The following PIWIL3 variants were observed in gnomAD, a reference collection of about 807,000 sequenced individuals.
PIWIL3 encodes the protein piwi like RNA-mediated gene silencing 3.
Under a neutral mutation model 109.7 loss-of-function variants are expected in PIWIL3, and 101 were observed. That is an observed-to-expected ratio of 0.92 (90% CI 0.78 to 1.09). PIWIL3 has a LOEUF of 1.09. Ranked by LOEUF, PIWIL3 falls within the 50% of genes least tolerant of loss-of-function variation. The pLI, the probability that PIWIL3 is intolerant of heterozygous loss-of-function variation, is 0.00. For missense variants in PIWIL3, 1,031 were observed against 1,072.6 expected (o/e 0.96, Z 0.54); for synonymous variants, 373 against 376.4 (o/e 0.99, Z 0.10).
rs769418851 is a variant in PIWIL3, at chr22:24,754,003, G to A, written c.977+11C>T. 6.3e-7 allele frequency: 1 copy of A among 1,583,922 alleles called. No individual in the cohort carries two copies. Among genetic ancestry groups the A allele is most frequent in the Non-Finnish European group, 8.7e-7 (1 of 1,152,856 alleles). ...AAAGTGATTGGATAGGTTTTTAAAAGACAGACTTACTTTGTCAGAACAATT... is the reference window on the plus strand; with the variant it reads ...AAAGTGATTGGATAGGTTTTTAAAAAACAGACTTACTTTGTCAGAACAATT... On this transcript the variant is annotated intron_variant, in intron 8 of 20. Transcript: ENST00000616349.
intron 1 of PIWIL3, 53 bp from the exon 2 acceptor site, chr22:24,762,574 T>C (rs992909670): frequency 2.8e-6 from 4 of 1,421,916 alleles, no homozygotes; most frequent in Non-Finnish European, 3.8e-6. Context: ...GGTGTCTTAC[T>C]CTCTTTAGGG....
intron 12 of PIWIL3, among the ~76,000 whole-genome samples, chr22:24,741,826 C>A (rs893187272): frequency 2.0e-5 from 3 of 150,564 alleles, no homozygotes; most frequent in African/African-American, 4.9e-5. Context: ...CATTCCCCCC[C>A]AAGAACTGCA....
At chr22:24,720,774 T>C (rs924280253) in intron 19 of PIWIL3, among the ~76,000 whole-genome samples, 3 of 152,212 alleles carry the variant, frequency 2.0e-5, no homozygotes, top group African/African-American at 7.2e-5. Context: ...CCTCAACTCT[T>C]GGTATGAATA....
At chr22:24,738,426 A>G (rs1332486886) in intron 12 of PIWIL3, among the ~76,000 whole-genome samples, 1 of 152,268 alleles carries the variant, frequency 6.6e-6, no homozygotes, top group Non-Finnish European at 1.5e-5. Context: ...GGTGGTGGTC[A>G]CAGTGGGCCT....
intron 14 of PIWIL3, among the ~76,000 whole-genome samples, chr22:24,729,299 C>G (rs1443391933): frequency 6.6e-6 from 1 of 152,134 alleles, no homozygotes; most frequent in African/African-American, 2.4e-5. Flanking sequence ...GGTGTCCACA[C>G]TCCTAAATTT....
At chr22:24,773,796 C>T (rs1926270135) in intron 1 of PIWIL3, among the ~76,000 whole-genome samples, 1 of 148,188 alleles carries the variant, frequency 6.7e-6, no homozygotes, top group South Asian at 2.1e-4. Flanking sequence ...CTCACTGCAA[C>T]CTCCGCCTCC....
At chr22:24,721,270 G>C (rs1377015912) in intron 19 of PIWIL3, among the ~76,000 whole-genome samples, 1 of 152,134 alleles carries the variant, frequency 6.6e-6, no homozygotes, top group African/African-American at 2.4e-5. Flanking sequence ...TACTCTTGCT[G>C]AATGTGATTT....
chr22:24,768,608 G>A (rs143129370), intron 1 of PIWIL3, among the ~76,000 whole-genome samples: 378 of 152,262 alleles, frequency 2.5e-3, no homozygotes, highest in African/African-American at 8.9e-3. Context: ...AGGAAGGTCT[G>A]TGGCTGACAG....
chr22:24,737,861 T>C (rs565502946), intron 12 of PIWIL3, among the ~76,000 whole-genome samples: 1 of 152,120 alleles, frequency 6.6e-6, no homozygotes, highest in Admixed American at 6.5e-5. Context: ...GGCTCCTCTA[T>C]GTGTAGAAAG....
At chr22:24,769,503 T>C (rs1410218272) in intron 1 of PIWIL3, among the ~76,000 whole-genome samples, 1 of 152,058 alleles carries the variant, frequency 6.6e-6, no homozygotes, top group Non-Finnish European at 1.5e-5. Context: ...TCCCAGCTAC[T>C]TGGGAGGCTG....
At chr22:24,764,821 C>T (rs562675927) in intron 1 of PIWIL3, among the ~76,000 whole-genome samples, 12 of 152,278 alleles carry the variant, frequency 7.9e-5, no homozygotes, top group Middle Eastern at 3.4e-3. Flanking sequence ...GAAAAGTTTG[C>T]CTGCCATTGG....
At chr22:24,746,157 C>A (rs148705749) in intron 12 of PIWIL3, among the ~76,000 whole-genome samples, 2 of 152,252 alleles carry the variant, frequency 1.3e-5, no homozygotes, top group Non-Finnish European at 2.9e-5. Flanking sequence ...AGGCCAATAT[C>A]TCCAATGAAC....
chr22:24,773,805 C>T (rs1412434304), intron 1 of PIWIL3, among the ~76,000 whole-genome samples: 1 of 148,916 alleles, frequency 6.7e-6, no homozygotes, highest in Non-Finnish European at 1.5e-5. Flanking sequence ...ACCTCCGCCT[C>T]CCAGGTTCAA....
chr22:24,759,275 C>A (rs562811649), intron 3 of PIWIL3, among the ~76,000 whole-genome samples: 1 of 152,308 alleles, frequency 6.6e-6, no homozygotes, highest in East Asian at 1.9e-4. Context: ...TGTATAAGCT[C>A]ATTTTATAGG....
rs1925979293 is a variant in PIWIL3 at position 24,769,166 on chromosome 22, A to G, written c.-23+5156T>C. The stretch of plus-strand genomic sequence containing the variant: ...ATACATCCTATGCACATCCTCCTGT[A>G]TACCTTTAAATCATCACTAGATTAT... On this transcript the variant is annotated intron_variant, in intron 1 of 20. Transcript: ENST00000616349. Among the ~76,000 whole-genome samples, 3 of 152,240 alleles carry G rather than the reference A, an allele frequency of 2.0e-5. No homozygotes were observed. In the South Asian group the frequency reaches 6.2e-4, roughly 31 times the overall value.
intron 9 of PIWIL3, among the ~76,000 whole-genome samples, chr22:24,751,073 G>C (rs111686634): frequency 1.7e-3 from 255 of 151,692 alleles, no homozygotes; most frequent in African/African-American, 5.3e-3. Context: ...GCAATGAGTA[G>C]AGATCATGCC....
intron 2 of PIWIL3, 50 bp downstream of exon 2, chr22:24,762,348 A>G (rs745647655): frequency 1.6e-5 from 25 of 1,570,876 alleles, no homozygotes; most frequent in South Asian, 2.4e-5. Context: ...TGTTCTTTTC[A>G]GTACAGGCAC....
At position 24,749,420 on chromosome 22, in the gene PIWIL3, T is replaced by C. The variant is rs1395165685; in HGVS notation, c.1318A>G (p.Ile440Val). ...AGCACTTACTCTTGTAGAGTATTGATGAATTCTTTTAATGTATGATGCCTT... is the reference window on the plus strand; with the variant it reads ...AGCACTTACTCTTGTAGAGTATTGACGAATTCTTTTAATGTATGATGCCTT... Reference protein sequence around the residue: ...RRRHHTLKEFINTLQDNKKVR... With the variant: ...RRRHHTLKEFVNTLQDNKKVR... The change falls in exon 11 of 21, where the codon ATC (isoleucine) becomes GTC (valine). Residue 440 changes from isoleucine (I) to valine (V), a missense_variant. Physicochemically the swap from Ile to Val is conservative, Grantham distance 29. Coordinates refer to ENST00000616349, the MANE Select transcript of PIWIL3 (RefSeq NM_001255975.1). 6.2e-7 allele frequency: 1 copy of C among 1,613,968 alleles called. No homozygotes were observed. Among genetic ancestry groups the C allele is most frequent in the Admixed American group, 1.7e-5 (1 of 60,012 alleles).
intron 9 of PIWIL3, among the ~76,000 whole-genome samples, chr22:24,750,092 A>G (rs1924613463): frequency 6.6e-6 from 1 of 152,196 alleles, no homozygotes; most frequent in Non-Finnish European, 1.5e-5. Context: ...AACATTGTAT[A>G]TGAGAATGGG....
Sources: gnomAD v4.1 joint callset for allele counts (sites outside exome capture counted in the v4.1 genomes callset) on GRCh38, gnomAD v4.1.1 for gene constraint, MANE v1.5 for transcripts, NCBI Gene and HGNC (gene_info 2026-07-23, HGNC 2026-07-21) for gene names.